The following PPP4R3B variants were observed in gnomAD, a reference collection of about 807,000 sequenced individuals.
PPP4R3B encodes the protein protein phosphatase 4 regulatory subunit 3B, also known as serine/threonine-protein phosphatase 4 regulatory subunit 3B.
PPP4R3B carries 52 observed loss-of-function variants against 95.4 expected under a neutral mutation model. The observed-to-expected ratio is 0.54, with a 90% CI of 0.44 to 0.69. PPP4R3B has a LOEUF of 0.69. Ranked by LOEUF, PPP4R3B falls within the 30% of genes least tolerant of loss-of-function variation. The pLI is 0.00. For synonymous variants in PPP4R3B, 407 were observed against 343.9 expected, an observed-to-expected ratio of 1.18 and a Z score of -2.03; for missense variants, 1,003 against 1,005.9, an observed-to-expected ratio of 1.00 and a Z score of 0.04.
At chr2:55,556,298 T>G (rs1260292208) in intron 16 of PPP4R3B, among the ~76,000 whole-genome samples, 1 of 152,242 alleles carries the variant, frequency 6.6e-6, no homozygotes, top group Non-Finnish European at 1.5e-5. Context: ...AACAGATGTA[T>G]TCTGTAATCT....
chr2:55,601,141 CAAAAAAAAAAAA>C (rs397871165), intron 3 of PPP4R3B, among the ~76,000 whole-genome samples: 2 of 99,150 alleles, frequency 2.0e-5, no homozygotes, highest in African/African-American at 4.1e-5. Context: ...GACCATGTCT[CAAAAAAAAAAAA>C]AAAAAAAAAG....
At chr2:55,580,840 A>C (rs1689352980) in intron 8 of PPP4R3B, among the ~76,000 whole-genome samples, 1 of 152,228 alleles carries the variant, frequency 6.6e-6, no homozygotes, top group South Asian at 2.1e-4. Context: ...CTAATCCTTA[A>C]GTATTAAGGA....
chr2:55,582,860 T>C (rs1290078962), intron 7 of PPP4R3B, among the ~76,000 whole-genome samples: 1 of 152,178 alleles, frequency 6.6e-6, no homozygotes, highest in Non-Finnish European at 1.5e-5. Context: ...ACTATATTAC[T>C]CATCCAGTCA....
In PPP4R3B at chr2:55,604,829, T is replaced by C. The variant is rs1693156345; in HGVS notation, c.199-753A>G. ...ACACACACACACATACACACAAATATACATATATATATTTTGTTGTTTCCT... is the reference window on the plus strand; with the variant it reads ...ACACACACACACATACACACAAATACACATATATATATTTTGTTGTTTCCT... On this transcript the variant is annotated intron_variant, in intron 2 of 16. Coordinates refer to ENST00000616407, the MANE Select transcript of PPP4R3B (RefSeq NM_001122964.3). Among the ~76,000 whole-genome samples, 4 of 150,274 alleles carry C rather than the reference T, an allele frequency of 2.7e-5. No individual in the cohort carries two copies. The South Asian group carries it at 8.4e-4, about 32-fold the overall frequency.
chr2:55,606,817 T>G (rs1490732295), intron 2 of PPP4R3B, among the ~76,000 whole-genome samples: 2 of 119,054 alleles, frequency 1.7e-5, no homozygotes, highest in African/African-American at 3.6e-5. Flanking sequence ...AGTGAGACTT[T>G]GCCTCAAAAA....
intron 15 of PPP4R3B, among the ~76,000 whole-genome samples, chr2:55,561,530 T>C (rs112166040): frequency 0.09 from 13,668 of 152,196 alleles, 752 homozygotes; most frequent in South Asian, 0.14. Context: ...CACTCAACTC[T>C]AGCCCATGAA....
chr2:55,616,966 C>A (rs946036663), intron 1 of PPP4R3B, among the ~76,000 whole-genome samples, 178 bp downstream of exon 1: 6 of 152,068 alleles, frequency 3.9e-5, no homozygotes, highest in Non-Finnish European at 8.8e-5. Flanking sequence ...GAGTCTCGGT[C>A]TCCGAGGATA....
intron 7 of PPP4R3B, among the ~76,000 whole-genome samples, chr2:55,582,416 A>G (rs1404160627): frequency 1.3e-5 from 2 of 152,142 alleles, no homozygotes; most frequent in Non-Finnish European, 2.9e-5. Context: ...ACCATGCCTG[A>G]CTAATTTTTG....
chr2:55,566,555 C>G (rs571727519), intron 13 of PPP4R3B, among the ~76,000 whole-genome samples: 3 of 152,320 alleles, frequency 2.0e-5, no homozygotes, highest in African/African-American at 7.2e-5. Context: ...CTATCCTCTT[C>G]ATCCTTTTAA....
At chr2:55,599,788 A>C (rs1291250590) in intron 3 of PPP4R3B, among the ~76,000 whole-genome samples, 1 of 151,682 alleles carries the variant, frequency 6.6e-6, no homozygotes, top group East Asian at 2.0e-4. Flanking sequence ...CAACTTCTCA[A>C]ACATTACCTT....
intron 3 of PPP4R3B, among the ~76,000 whole-genome samples, chr2:55,603,236 A>C (rs536839331): frequency 6.6e-4 from 101 of 152,348 alleles, no homozygotes; most frequent in African/African-American, 2.3e-3. Flanking sequence ...TACAGGCGTG[A>C]GTAACCGCGT....
chr2:55,580,461 T>C (rs1340257959), intron 8 of PPP4R3B, among the ~76,000 whole-genome samples: 1 of 152,144 alleles, frequency 6.6e-6, no homozygotes, highest in Non-Finnish European at 1.5e-5. Context: ...TTTGAATCTG[T>C]TTTGGAAGAA....
At chr2:55,605,877 G>C (rs1166607313) in intron 2 of PPP4R3B, among the ~76,000 whole-genome samples, 1 of 140,592 alleles carries the variant, frequency 7.1e-6, no homozygotes, top group Admixed American at 7.5e-5. Context: ...TTGCACTCCA[G>C]CCTGGCAACA....
At chr2:55,555,275 G>A (rs1371538165) in intron 16 of PPP4R3B, among the ~76,000 whole-genome samples, 6 of 87,248 alleles carry the variant, frequency 6.9e-5, no homozygotes, top group African/African-American at 1.6e-4. Context: ...ACAAGACTCC[G>A]TCTAAAAAAA....
At chr2:55,600,773 A>T (rs1021561037) in intron 3 of PPP4R3B, among the ~76,000 whole-genome samples, 1 of 152,136 alleles carries the variant, frequency 6.6e-6, no homozygotes, top group Non-Finnish European at 1.5e-5. Flanking sequence ...AATAAAATTT[A>T]AAAAAACAAT....
intron 16 of PPP4R3B, among the ~76,000 whole-genome samples, chr2:55,554,061 C>T (rs1314259663): frequency 1.3e-5 from 2 of 152,174 alleles, no homozygotes; most frequent in African/African-American, 4.8e-5. Context: ...AAAGCTGCTA[C>T]ACCATTTTAT....
intron 4 of PPP4R3B, among the ~76,000 whole-genome samples, chr2:55,597,587 A>T (rs1258038148): frequency 6.6e-6 from 1 of 151,894 alleles, no homozygotes; most frequent in Non-Finnish European, 1.5e-5. Flanking sequence ...GCGCCACTGC[A>T]CTTCAGCCTG....
chr2:55,614,234 AT>A (rs930793558), intron 2 of PPP4R3B: 1 of 152,182 alleles, frequency 6.6e-6, no homozygotes, highest in African/African-American at 2.4e-5. Flanking sequence ...GGGCATCCAA[AT>A]TTTCATAAAC....
chr2:55,585,020 A>G, intron 7 of PPP4R3B, 31 bp downstream of exon 7: 1 of 1,485,896 alleles, frequency 6.7e-7, no homozygotes, highest in Non-Finnish European at 9.3e-7. Flanking sequence ...TCTACAGGTA[A>G]TTCACATAGA....
Sources: gnomAD v4.1 joint callset for allele counts (sites outside exome capture counted in the v4.1 genomes callset) on GRCh38, gnomAD v4.1.1 for gene constraint, MANE v1.5 for transcripts, NCBI Gene and HGNC (gene_info 2026-07-23, HGNC 2026-07-21) for gene names.